CEP112: variants seen among roughly 807,000 people sequenced by gnomAD.
CEP112 encodes the protein centrosomal protein of 112 kDa.
CEP112 carries 127 observed loss-of-function variants against 153.0 expected under a neutral mutation model. That is an observed-to-expected ratio of 0.83 (90% CI 0.72 to 0.96). CEP112 has a LOEUF of 0.96. CEP112 is among the 40% of genes least tolerant of loss of function. The pLI is 0.00. For synonymous variants in CEP112, 358 were observed against 374.4 expected, an observed-to-expected ratio of 0.96 and a Z score of 0.51; for missense variants, 1,089 against 1,101.2, an observed-to-expected ratio of 0.99 and a Z score of 0.16.
chr17:66,140,142 C>T (rs9893999), intron 4 of CEP112, among the ~76,000 whole-genome samples: 1,816 of 152,098 alleles, frequency 0.012, 44 homozygotes, highest in African/African-American at 0.041. Context: ...ATAATAAATG[C>T]GATACCCCAC....
intron 17 of CEP112, among the ~76,000 whole-genome samples, chr17:65,970,272 CATGT>C (rs2062633470): frequency 6.6e-6 from 1 of 151,748 alleles, no homozygotes; most frequent in Non-Finnish European, 1.5e-5. Flanking sequence ...ATATTACATG[CATGT>C]ATGTAGCATG....
intron 4 of CEP112, among the ~76,000 whole-genome samples, chr17:66,142,175 T>A (rs989632521): frequency 4.1e-4 from 63 of 152,212 alleles, no homozygotes; most frequent in African/African-American, 1.3e-3. Context: ...TGGAGAAACG[T>A]GTATTCAAGT....
intron 23 of CEP112, among the ~76,000 whole-genome samples, chr17:65,712,589 T>C (rs1399760654): frequency 1.3e-5 from 2 of 152,216 alleles, no homozygotes; most frequent in African/African-American, 4.8e-5. Flanking sequence ...CTCTTCTATC[T>C]GACTGGCAAA....
At chr17:66,181,481 G>A (rs1035695934) in intron 2 of CEP112, among the ~76,000 whole-genome samples, 3 of 152,060 alleles carry the variant, frequency 2.0e-5, no homozygotes, top group African/African-American at 7.2e-5. Flanking sequence ...AAGTAGCTGG[G>A]ACTGCAGGTG....
At chr17:65,792,605 G>A (rs947918677) in intron 21 of CEP112, among the ~76,000 whole-genome samples, 2 of 151,504 alleles carry the variant, frequency 1.3e-5, no homozygotes, top group Non-Finnish European at 2.9e-5. Flanking sequence ...GTAAATTTAC[G>A]TTGTGTTATG....
chr17:65,950,726 G>C (rs1451630840), intron 18 of CEP112, among the ~76,000 whole-genome samples: 1 of 149,848 alleles, frequency 6.7e-6, no homozygotes, highest in South Asian at 2.2e-4. Context: ...AGTAGTAGTA[G>C]TAGTAGTAGT....
intron 21 of CEP112, among the ~76,000 whole-genome samples, chr17:65,795,543 G>T (rs530720834): frequency 7.1e-4 from 108 of 152,282 alleles, no homozygotes; most frequent in Middle Eastern, 3.4e-3. Context: ...TGGGCACAGT[G>T]GCTCATGCCT....
At chr17:65,639,913 C>T (rs2045015275) in intron 25 of CEP112, among the ~76,000 whole-genome samples, 1 of 142,450 alleles carries the variant, frequency 7.0e-6, no homozygotes, top group Non-Finnish European at 1.5e-5. Context: ...CCTCGGCTCA[C>T]TGCAACCTCC....
intron 21 of CEP112, among the ~76,000 whole-genome samples, chr17:65,768,738 AT>A (rs1246275786): frequency 1.3e-5 from 2 of 152,124 alleles, no homozygotes. Context: ...TCGATGTCTG[AT>A]TTGATAAAAA....
At chr17:65,650,145 G>T (rs2045667093) in intron 24 of CEP112, among the ~76,000 whole-genome samples, 1 of 152,140 alleles carries the variant, frequency 6.6e-6, no homozygotes, top group African/African-American at 2.4e-5. Context: ...GATGGTTCTT[G>T]TTTTTTCTCT....
chr17:65,904,592 GA>G (rs1199395863), intron 19 of CEP112, among the ~76,000 whole-genome samples: 3 of 152,090 alleles, frequency 2.0e-5, no homozygotes, highest in African/African-American at 4.8e-5. Flanking sequence ...CACAGAATTA[GA>G]AAAAACTACT....
chr17:65,944,073 C>G (rs1214377428), intron 18 of CEP112, among the ~76,000 whole-genome samples: 3 of 152,134 alleles, frequency 2.0e-5, no homozygotes, highest in South Asian at 2.1e-4. Flanking sequence ...ATGGATGGAG[C>G]TGGAAGCCAT....
chr17:65,769,597 C>T lies in CEP112; in HGVS notation c.2395-18873G>A, dbSNP rs548512451. On this transcript the variant is annotated intron_variant, in intron 21 of 26. Transcript: ENST00000535342. ...GACTAATAGAACAGTATAGAGAGCC[C>T]AGAAATAAATCCAAACATATATGGC... Among the ~76,000 whole-genome samples the T allele has an allele frequency of 5.7e-4, 86 of 152,068 alleles. 2 individuals are homozygous for T. In the South Asian group the frequency reaches 0.018, roughly 31 times the overall value.
chr17:66,188,505 G>GC (rs578033322), intron 1 of CEP112, among the ~76,000 whole-genome samples: 129 of 149,648 alleles, frequency 8.6e-4, no homozygotes, highest in African/African-American at 1.2e-3. Context: ...AGTGAAGCTG[G>GC]CCCCCCCTTG....
chr17:65,652,836 A>G (rs1390327164), intron 24 of CEP112, among the ~76,000 whole-genome samples: 1 of 152,346 alleles, frequency 6.6e-6, no homozygotes, highest in East Asian at 1.9e-4. Flanking sequence ...GGCTGCTATA[A>G]CAAATACCAT....
rs182712854 is a variant in CEP112 at position 66,186,370 on chromosome 17, C to T, written c.-8-3063G>A. On this transcript the variant is annotated intron_variant, in intron 1 of 26. Coordinates refer to ENST00000535342, the MANE Select transcript of CEP112 (RefSeq NM_001199165.4). ...AGGCTGGAGTGTAGTGGCACGATCT[C>T]GGCTCACTGCAACCTCCACCTCCCG... Among the ~76,000 whole-genome samples, 341 of 152,140 alleles carry T rather than the reference C, an allele frequency of 2.2e-3. 2 individuals are homozygous for T. The highest frequency in any genetic ancestry group is 7.9e-3 in the African/African-American group (328 of 41,508).
chr17:65,969,215 G>A (rs1371496381), intron 17 of CEP112, among the ~76,000 whole-genome samples: 1 of 151,772 alleles, frequency 6.6e-6, no homozygotes, highest in Non-Finnish European at 1.5e-5. Flanking sequence ...CCAAGTAGCT[G>A]GGATTACAGG....
At chr17:65,994,224 A>C (rs1234831436) in intron 17 of CEP112, among the ~76,000 whole-genome samples, 1 of 152,178 alleles carries the variant, frequency 6.6e-6, no homozygotes, top group East Asian at 1.9e-4. Flanking sequence ...AAGTCTAGAA[A>C]TGTCACCATG....
chr17:65,869,381 G>A (rs778784183), intron 20 of CEP112, among the ~76,000 whole-genome samples: 5 of 151,960 alleles, frequency 3.3e-5, no homozygotes, highest in Admixed American at 6.6e-5. Flanking sequence ...CTTGTGGTTC[G>A]GTGAAAATAT....
Sources: allele counts gnomAD v4.1 joint callset (sites outside exome capture counted in the v4.1 genomes callset), GRCh38; gene constraint gnomAD v4.1.1; transcripts MANE v1.5; gene names NCBI Gene and HGNC (gene_info 2026-07-23, HGNC 2026-07-21).